TENM3: variants seen among roughly 807,000 people sequenced by gnomAD.
TENM3 encodes the protein teneurin transmembrane protein 3.
Under a neutral mutation model 255.1 loss-of-function variants are expected in TENM3, and 63 were observed. The observed-to-expected ratio is 0.25, with a 90% CI of 0.20 to 0.30. The LOEUF is 0.30. TENM3 is among the 10% of genes least tolerant of loss of function. The pLI is 1.00. For synonymous variants in TENM3, 1,306 were observed against 1,322.3 expected, an observed-to-expected ratio of 0.99 and a Z score of 0.27; for missense variants, 2,929 against 3,461.1, an observed-to-expected ratio of 0.85 and a Z score of 3.86.
At chr4:182,449,214 G>GCTC (rs1773238482) in intron 3 of TENM3, 1 of 164,562 alleles carries the variant, frequency 6.1e-6, no homozygotes, top group Non-Finnish European at 1.2e-5. Flanking sequence ...GGTGGTGGCG[G>GCTC]CGGCGGCGGC....
chr4:181,952,802 C>T, the TENM3 span, among the ~76,000 whole-genome samples: 2 of 152,202 alleles, frequency 1.3e-5, no homozygotes, highest in Non-Finnish European at 1.5e-5. Flanking sequence ...AACATTGAGC[C>T]GCAGGCGCTG....
At chr4:181,755,264 T>C in the TENM3 span, among the ~76,000 whole-genome samples, 1 of 152,214 alleles carries the variant, frequency 6.6e-6, no homozygotes, top group Non-Finnish European at 1.5e-5. Context: ...ATTCAGTTAG[T>C]TTTTTCATTA....
In TENM3 at chr4:182,682,026, A is replaced by T; in HGVS notation, c.2035+12A>T. On this transcript the variant is annotated intron_variant, in intron 11 of 27. Transcript: ENST00000511685. ...AGACTGCTCAAACGGTGAGGTTAATAAATGCAGTACAATCGAGTTGCTTAA... is the reference window on the plus strand; with the variant it reads ...AGACTGCTCAAACGGTGAGGTTAATTAATGCAGTACAATCGAGTTGCTTAA... 2 of 1,611,146 alleles carry T rather than the reference A, an allele frequency of 1.2e-6. No individual in the cohort carries two copies. The highest frequency in any genetic ancestry group is 1.7e-6 in the Non-Finnish European group (2 of 1,177,802).
intron 23 of TENM3, 60 bp downstream of exon 23, chr4:182,773,707 C>T (rs1764455350): frequency 6.8e-7 from 1 of 1,472,924 alleles, no homozygotes; most frequent in Non-Finnish European, 9.3e-7. Context: ...AATGCGGCAA[C>T]ACCCACTTTC....
the TENM3 span, among the ~76,000 whole-genome samples, chr4:181,634,269 G>A: frequency 6.6e-6 from 1 of 151,942 alleles, no homozygotes; most frequent in African/African-American, 2.4e-5. Context: ...CCCTGTGTAA[G>A]AAATATTGAA....
intron 1 of TENM3, among the ~76,000 whole-genome samples, chr4:182,199,081 T>C (rs974633122): frequency 1.3e-5 from 2 of 152,194 alleles, no homozygotes; most frequent in African/African-American, 4.8e-5. Flanking sequence ...TTGAGAAAGC[T>C]AGCTGGTAGA....
intron 27 of TENM3, among the ~76,000 whole-genome samples, chr4:182,797,447 A>AT (rs1554040347): frequency 1.3e-5 from 2 of 152,014 alleles, no homozygotes; most frequent in African/African-American, 4.8e-5. Flanking sequence ...CTCAAAAAAA[A>AT]AATAATTAAT....
the TENM3 span, among the ~76,000 whole-genome samples, chr4:181,896,331 A>G: frequency 6.6e-6 from 1 of 152,176 alleles, no homozygotes; most frequent in Non-Finnish European, 1.5e-5. Context: ...TCTGTTGCCT[A>G]TGAAATGAAA....
At chr4:182,208,790 G>T (rs934106716) in intron 1 of TENM3, among the ~76,000 whole-genome samples, 1 of 152,112 alleles carries the variant, frequency 6.6e-6, no homozygotes, top group African/African-American at 2.4e-5. Context: ...GACCTGCAGA[G>T]CCCAGACTCC....
At chr4:182,067,456 T>A in the TENM3 span, among the ~76,000 whole-genome samples, 1 of 152,130 alleles carries the variant, frequency 6.6e-6, no homozygotes, top group Admixed American at 6.5e-5. Flanking sequence ...TAGTGTGAGT[T>A]TGAGGCCAAA....
chr4:182,438,778 T>C (rs764246488), intron 3 of TENM3, among the ~76,000 whole-genome samples: 1 of 152,234 alleles, frequency 6.6e-6, no homozygotes, highest in Non-Finnish European at 1.5e-5. Context: ...TAATGAGTAA[T>C]ATTATGAAAT....
intron 3 of TENM3, among the ~76,000 whole-genome samples, chr4:182,487,226 T>C (rs1734845387): frequency 6.6e-6 from 1 of 152,206 alleles, no homozygotes; most frequent in Non-Finnish European, 1.5e-5. Flanking sequence ...TATAGTTTTA[T>C]GTTCCTCTTA....
At chr4:181,528,409 G>A in the TENM3 span, among the ~76,000 whole-genome samples, 5 of 152,254 alleles carry the variant, frequency 3.3e-5, no homozygotes, top group African/African-American at 1.2e-4. Context: ...TATAGTCTTC[G>A]AGTGAACAAA....
rs532615863 is a variant in TENM3 at position 182,612,407 on chromosome 4, C to CT, written c.749+11247dup. Among the ~76,000 whole-genome samples the CT allele has an allele frequency of 9.2e-5, 14 of 152,260 alleles. No homozygotes were observed. The South Asian group carries it at 2.5e-3, about 27-fold the overall frequency. On this transcript the variant is annotated intron_variant, in intron 4 of 27. Transcript: ENST00000511685. Reference sequence around the variant, plus strand: ...GACAGCATCACTGTCAACTCCTCTTCTCCTTTTCTCAGGATCCTCAGGCAT... The same window carrying CT: ...GACAGCATCACTGTCAACTCCTCTTCTTCCTTTTCTCAGGATCCTCAGGCAT...
intron 5 of TENM3, among the ~76,000 whole-genome samples, chr4:182,644,043 G>A (rs994555570): frequency 3.3e-5 from 5 of 152,130 alleles, no homozygotes; most frequent in African/African-American, 1.2e-4. Flanking sequence ...CTCCCAGCAC[G>A]CTACTCTGTG....
rs746116803 is a variant in TENM3 at position 182,776,732 on chromosome 4, T to C, written c.5304+1579T>C. On this transcript the variant is annotated intron_variant, in intron 24 of 27. Transcript: ENST00000511685. ...ACCCAGTCTGAAGTCCCTGGTTCTC[T>C]GCCTAATCCTAAATGAAGAAAATAC... 4.0e-4 allele frequency among the ~76,000 whole-genome samples: 61 copies of C among 152,166 alleles called. 1 individual carries two copies. Among genetic ancestry groups the C allele is most frequent in the Non-Finnish European group, 7.3e-5 (5 of 68,028 alleles).
intron 22 of TENM3, among the ~76,000 whole-genome samples, chr4:182,770,076 A>G (rs1764063471): frequency 6.7e-6 from 1 of 148,882 alleles, no homozygotes; most frequent in African/African-American, 2.5e-5. Context: ...ACTGCATTCC[A>G]GTCTGGGCGA....
At chr4:182,497,845 TAC>T (rs1735926316) in intron 3 of TENM3, among the ~76,000 whole-genome samples, 2 of 74,660 alleles carry the variant, frequency 2.7e-5, no homozygotes. Context: ...CTACTAAAAA[TAC>T]ATATATATAT....
chr4:182,220,536 G>A (rs1464642488), intron 1 of TENM3, among the ~76,000 whole-genome samples: 1 of 131,226 alleles, frequency 7.6e-6, no homozygotes, highest in Non-Finnish European at 1.7e-5. Context: ...AGCATGCTGC[G>A]ATTCCAGGTC....
Sources: allele counts gnomAD v4.1 joint callset (sites outside exome capture counted in the v4.1 genomes callset), GRCh38; gene constraint gnomAD v4.1.1; transcripts MANE v1.5; gene names NCBI Gene and HGNC (gene_info 2026-07-23, HGNC 2026-07-21).